The following RPL34 variants were observed in gnomAD, a reference collection of about 807,000 sequenced individuals.
The protein encoded by RPL34 is large ribosomal subunit protein eL34.
RPL34 carries 2 observed loss-of-function variants against 16.3 expected under a neutral mutation model. That is an observed-to-expected ratio of 0.12 (90% confidence interval 0.05 to 0.39). The LOEUF (loss-of-function observed/expected upper bound fraction) is 0.39. Ranked by LOEUF, RPL34 falls within the 10% of genes least tolerant of loss-of-function variation. The pLI, the probability that RPL34 is intolerant of heterozygous loss-of-function variation, is 0.99. For synonymous variants in RPL34, 47 were observed against 48.5 expected, an observed-to-expected ratio of 0.97 and a Z score of 0.13; for missense variants, 82 against 148.8, an observed-to-expected ratio of 0.55 and a Z score of 2.33.
chr4:108,623,792 G>A (rs1725882197), intron 4 of RPL34, among the ~76,000 whole-genome samples: 1 of 152,198 alleles, frequency 6.6e-6, no homozygotes, highest in Admixed American at 6.5e-5. Flanking sequence ...AGAACAGTAG[G>A]AGATACTACA....
At chr4:108,627,733 T>TCCCA (rs1726063561), downstream of RPL34, among the ~76,000 whole-genome samples, 1 of 151,964 alleles carries the variant, frequency 6.6e-6, no homozygotes, top group Non-Finnish European at 1.5e-5. Context: ...AGTGGTGGCA[T>TCCCA]GCACCTGTAA....
chr4:108,628,437 CTA>C (rs3056948), downstream of RPL34, among the ~76,000 whole-genome samples: 5,715 of 152,238 alleles, frequency 0.038, 150 homozygotes, highest in African/African-American at 0.074. Flanking sequence ...AAAACTTAAA[CTA>C]ATTGGCTGCT....
intron 2 of RPL34, 26 bp from the exon 3 acceptor site, chr4:108,622,079 G>A (rs761495745): frequency 6.3e-7 from 1 of 1,593,598 alleles, no homozygotes. Flanking sequence ...ACAAAATGCT[G>A]ACCTACTGAC....
At chr4:108,627,826 C>T (rs1172259957), downstream of RPL34, among the ~76,000 whole-genome samples, 2 of 151,100 alleles carry the variant, frequency 1.3e-5, no homozygotes, top group South Asian at 2.1e-4. Context: ...TGCACCACTG[C>T]ACTCCAGCCT....
chr4:108,628,768 AT>A (rs1378427636), downstream of RPL34, among the ~76,000 whole-genome samples: 1 of 152,180 alleles, frequency 6.6e-6, no homozygotes, highest in Non-Finnish European at 1.5e-5. Flanking sequence ...TTTGTAGACT[AT>A]TTGGAAAGTT....
intron 4 of RPL34, 38 bp downstream of exon 4, chr4:108,622,656 T>C (rs1725835413): frequency 7.6e-7 from 1 of 1,309,722 alleles, no homozygotes; most frequent in Non-Finnish European, 1.1e-6. Context: ...CTTAGCAAAT[T>C]ATTGTGTGTG....
At chr4:108,626,730 C>T (rs1265739242), downstream of RPL34, among the ~76,000 whole-genome samples, 1 of 152,138 alleles carries the variant, frequency 6.6e-6, no homozygotes, top group Non-Finnish European at 1.5e-5. Flanking sequence ...TGAGCCCTTG[C>T]ACCCGGCCAA....
downstream of RPL34, among the ~76,000 whole-genome samples, chr4:108,625,989 T>A (rs529556732): frequency 6.6e-6 from 1 of 152,196 alleles, no homozygotes; most frequent in Non-Finnish European, 1.5e-5. Flanking sequence ...AGTTCAAAAA[T>A]GGTATCTTGG....
chr4:108,629,216 A>G (rs1361088955), downstream of RPL34, among the ~76,000 whole-genome samples: 1 of 152,204 alleles, frequency 6.6e-6, no homozygotes, highest in Non-Finnish European at 1.5e-5. Flanking sequence ...CCCACTGCAT[A>G]TATAAACTTT....
downstream of RPL34, among the ~76,000 whole-genome samples, chr4:108,627,625 G>A (rs531996354): frequency 1.4e-4 from 22 of 152,236 alleles, no homozygotes; most frequent in African/African-American, 5.1e-4. Flanking sequence ...ACTTTGGGAG[G>A]CTGAGGCAGG....
At chr4:108,624,284 GTC>G (rs1348967292) in intron 4 of RPL34, among the ~76,000 whole-genome samples, 13 of 152,196 alleles carry the variant, frequency 8.5e-5, no homozygotes, top group South Asian at 2.1e-4. Flanking sequence ...AGTTGTATGT[GTC>G]TCTGATAGGA....
intron 4 of RPL34, among the ~76,000 whole-genome samples, chr4:108,624,507 A>G (rs72893176): frequency 0.021 from 3,202 of 152,302 alleles, 115 homozygotes; most frequent in African/African-American, 0.073. Context: ...ATAGTGATCC[A>G]TAAAATGCAC....
intron 4 of RPL34, among the ~76,000 whole-genome samples, chr4:108,624,362 G>T (rs957553145): frequency 6.6e-6 from 1 of 152,110 alleles, no homozygotes; most frequent in Non-Finnish European, 1.5e-5. Flanking sequence ...TGATAACCAG[G>T]TTTACCAATG....
downstream of RPL34, among the ~76,000 whole-genome samples, chr4:108,628,306 T>G (rs184613708): frequency 6.6e-6 from 1 of 152,306 alleles, no homozygotes; most frequent in East Asian, 1.9e-4. Context: ...TACATCACTT[T>G]CTCATGATTC....
At chr4:108,627,897 G>C (rs1726068866), downstream of RPL34, among the ~76,000 whole-genome samples, 1 of 151,860 alleles carries the variant, frequency 6.6e-6, no homozygotes, top group African/African-American at 2.4e-5. Context: ...CAGTACACTT[G>C]ATTGGCTGTG....
Position 108,622,200 on chromosome 4 carries a change from G to T in RPL34, c.161G>T (p.Arg54Leu). Residue 54 changes from arginine (R) to leucine (L), a missense_variant, in exon 3 of 5, where the codon CGA becomes CTA. Coordinates refer to ENST00000394667, the MANE Select transcript of RPL34 (RefSeq NM_001319236.2). Reference sequence around the variant, plus strand: ...TGTGGTGTGTGCCCAGGCAGACTTCGAGGGGTAAGTGTACCTTTTACTGTG... The same window carrying T: ...TGTGGTGTGTGCCCAGGCAGACTTCTAGGGGTAAGTGTACCTTTTACTGTG... ...SACGVCPGRL[R>L]GVRAVRPKVL... 1 of 1,604,630 alleles carries T rather than the reference G, an allele frequency of 6.2e-7. No individual in the cohort carries two copies. The highest frequency in any genetic ancestry group is 8.5e-7 in the Non-Finnish European group (1 of 1,174,988).
chr4:108,622,958 GT>G (rs1157645005), intron 4 of RPL34: 1 of 185,918 alleles, frequency 5.4e-6, no homozygotes, highest in African/African-American at 2.4e-5. Context: ...TGTGCGGAAG[GT>G]GTTAAAAGTG....
At chr4:108,628,315 T>G (rs1212559989), downstream of RPL34, among the ~76,000 whole-genome samples, 1 of 152,066 alleles carries the variant, frequency 6.6e-6, no homozygotes, top group Non-Finnish European at 1.5e-5. Context: ...TTCTCATGAT[T>G]CAGGCTTATA....
In RPL34 at chr4:108,622,144, C is replaced by A. The variant is rs933198226; in HGVS notation, c.105C>A (p.Thr35=). 1.7e-5 allele frequency: 28 copies of A among 1,613,626 alleles called. No individual in the cohort carries two copies. Among genetic ancestry groups the A allele is most frequent in the Non-Finnish European group, 2.4e-5 (28 of 1,179,884 alleles). Residue 35 remains threonine, a synonymous_variant, in exon 3 of 5, where the codon ACC becomes ACA. Transcript: ENST00000394667. ...TPGNRIVYLY[T]KKVGKAPKSA... ...GTAATAGAATTGTTTACCTTTATAC[C>A]AAGAAGGTTGGGAAAGCACCAAAAT...
Sources: gnomAD v4.1 joint callset for allele counts (sites outside exome capture counted in the v4.1 genomes callset) on GRCh38, gnomAD v4.1.1 for gene constraint, MANE v1.5 for transcripts, NCBI Gene and HGNC (gene_info 2026-07-23, HGNC 2026-07-21) for gene names.